Variants in ANO1 observed in about 807,000 individuals in gnomAD.
ANO1 encodes anoctamin-1.
Under a neutral mutation model 124.0 loss-of-function variants are expected in ANO1, and 59 were observed. The observed-to-expected ratio is 0.48, with a 90% CI of 0.39 to 0.59. The LOEUF is 0.59. ANO1 is among the 20% of genes least tolerant of loss of function. The pLI, the probability that ANO1 is intolerant of heterozygous loss-of-function variation, is 0.00. For synonymous variants in ANO1, 529 were observed against 532.0 expected (o/e 0.99, Z 0.08); for missense variants, 1,059 against 1,328.0 (o/e 0.80, Z 3.15).
intron 8 of ANO1, among the ~76,000 whole-genome samples, chr11:70,123,979 T>C (rs2046392169): frequency 6.6e-6 from 1 of 152,184 alleles, no homozygotes; most frequent in African/African-American, 2.4e-5. Context: ...CGAGTATCTT[T>C]GCATCCCGTG....
chr11:70,161,154 C>G lies in ANO1; in HGVS notation c.1579-7C>G. The G allele has an allele frequency of 6.2e-7, 1 of 1,612,594 alleles. No individual in the cohort carries two copies. On this transcript the variant is annotated splice_region_variant and splice_polypyrimidine_tract_variant and intron_variant, in intron 16 of 25. Coordinates refer to ENST00000355303, the MANE Select transcript of ANO1 (RefSeq NM_018043.7). ...CCCAACCAAGAGTGCCCCTTTCCCC[C>G]CTGCAGATTGCAGTGACGTTTGCCA...
chr11:70,133,673 T>TC (rs1216498539), intron 11 of ANO1, among the ~76,000 whole-genome samples: 1 of 152,194 alleles, frequency 6.6e-6, no homozygotes, highest in East Asian at 1.9e-4. Flanking sequence ...TGGTGTTCTC[T>TC]CCAACAGTGC....
At chr11:70,164,670 A>G (rs1320115983) in intron 19 of ANO1, among the ~76,000 whole-genome samples, 2 of 152,130 alleles carry the variant, frequency 1.3e-5, no homozygotes, top group Admixed American at 1.3e-4. Context: ...TCCAGCCCAC[A>G]TAGGTTTCTG....
At chr11:70,163,675 G>A in intron 19 of ANO1, 2 of 555,406 alleles carry the variant, frequency 3.6e-6, no homozygotes, top group Non-Finnish European at 3.2e-6. Context: ...AGTGGCTCAT[G>A]CCTGTAATCC....
At chr11:70,089,938 G>A (rs534119499) in intron 2 of ANO1, among the ~76,000 whole-genome samples, 43 of 152,344 alleles carry the variant, frequency 2.8e-4, no homozygotes, top group Non-Finnish European at 4.1e-4. Flanking sequence ...AGCTGAGGCC[G>A]AGAGAGCTGG....
At chr11:70,032,746 A>C (rs1225613890) in intron 1 of ANO1, among the ~76,000 whole-genome samples, 2 of 152,098 alleles carry the variant, frequency 1.3e-5, no homozygotes, top group African/African-American at 4.8e-5. Context: ...TGTGAAGGAG[A>C]GCTGCCTTTT....
chr11:70,014,077 A>G (rs986784384), intron 1 of ANO1, among the ~76,000 whole-genome samples: 2 of 152,072 alleles, frequency 1.3e-5, no homozygotes, highest in African/African-American at 4.8e-5. Flanking sequence ...TCAGGGTCCC[A>G]TGGGGCCGTA....
chr11:70,085,035 G>A (rs972129131), intron 1 of ANO1, among the ~76,000 whole-genome samples: 3 of 152,120 alleles, frequency 2.0e-5, no homozygotes, highest in Non-Finnish European at 2.9e-5. Flanking sequence ...CCTTAGTCGC[G>A]GCTCCTACTA....
At chr11:70,136,025 C>T (rs1374854955) in intron 11 of ANO1, among the ~76,000 whole-genome samples, 4 of 152,250 alleles carry the variant, frequency 2.6e-5, no homozygotes, top group African/African-American at 9.6e-5. Flanking sequence ...CCAGACCTCC[C>T]TCCTTCTGGG....
At chr11:70,088,400 T>C (rs1293549703) in intron 2 of ANO1, among the ~76,000 whole-genome samples, 1 of 150,860 alleles carries the variant, frequency 6.6e-6, no homozygotes, top group Non-Finnish European at 1.5e-5. Context: ...GCCCCCCTAC[T>C]CGGGAGGCTG....
chr11:70,067,919 T>C (rs782571228), intron 1 of ANO1, among the ~76,000 whole-genome samples: 8 of 152,240 alleles, frequency 5.3e-5, no homozygotes, highest in Non-Finnish European at 1.0e-4. Context: ...GGCTGTCAGA[T>C]TTCTGACTTC....
intron 8 of ANO1, 136 bp from the exon 9 acceptor site, chr11:70,124,205 TCACAGCCCA>T: frequency 4.3e-6 from 3 of 703,056 alleles, no homozygotes; most frequent in Non-Finnish European, 7.4e-6. Context: ...ATCCCCACGT[TCACAGCCCA>T]CACAGCCCAC....
chr11:70,095,761 G>A (rs1334726213), intron 2 of ANO1, among the ~76,000 whole-genome samples: 4 of 152,164 alleles, frequency 2.6e-5, no homozygotes, highest in South Asian at 4.2e-4. Flanking sequence ...CCTCACCCCC[G>A]CCGGAGCCCC....
At chr11:70,125,480 C>T (rs1265440043) in intron 9 of ANO1, among the ~76,000 whole-genome samples, 6 of 146,180 alleles carry the variant, frequency 4.1e-5, no homozygotes, top group Non-Finnish European at 9.0e-5. Flanking sequence ...TGTGCCACTG[C>T]GCTCCAGCCT....
the ANO1 span, among the ~76,000 whole-genome samples, chr11:69,968,177 G>A: frequency 9.9e-5 from 15 of 152,268 alleles, no homozygotes; most frequent in South Asian, 4.2e-4. Flanking sequence ...GTGGGAACTC[G>A]GGAACACTGG....
intron 25 of ANO1, among the ~76,000 whole-genome samples, chr11:70,186,401 A>G (rs953797566): frequency 6.6e-6 from 1 of 151,888 alleles, no homozygotes; most frequent in African/African-American, 2.4e-5. Flanking sequence ...GAAGGAAGAA[A>G]GACATGGAGA....
chr11:70,155,331 G>T (rs2047766126), intron 14 of ANO1, among the ~76,000 whole-genome samples: 1 of 152,242 alleles, frequency 6.6e-6, no homozygotes, highest in Non-Finnish European at 1.5e-5. Context: ...CTGATCACAT[G>T]AAAGCAACAG....
chr11:70,031,953 C>A (rs1358411028), intron 1 of ANO1, among the ~76,000 whole-genome samples: 4 of 152,174 alleles, frequency 2.6e-5, no homozygotes, highest in Non-Finnish European at 5.9e-5. Context: ...GCACCCAACC[C>A]CCCCTCCTCA....
chr11:70,051,704 A>G (rs1555006282), intron 1 of ANO1, among the ~76,000 whole-genome samples: 1 of 152,234 alleles, frequency 6.6e-6, no homozygotes, highest in African/African-American at 2.4e-5. Flanking sequence ...GCCTCTTTTG[A>G]GGAAGTGCTC....
Sources: allele counts gnomAD v4.1 joint callset (sites outside exome capture counted in the v4.1 genomes callset), GRCh38; gene constraint gnomAD v4.1.1; transcripts MANE v1.5; gene names NCBI Gene and HGNC (gene_info 2026-07-23, HGNC 2026-07-21).